The following ZEB1 variants were observed in gnomAD, a reference collection of about 807,000 sequenced individuals.
ZEB1 encodes zinc finger E-box-binding homeobox 1.
A neutral mutation model predicts 84.9 loss-of-function variants in ZEB1; 21 were observed. The ratio of observed to expected loss-of-function variants is 0.25; its 90% CI spans 0.18 to 0.36. ZEB1 has a LOEUF of 0.36. ZEB1 is among the 10% of genes least tolerant of loss of function. The probability of loss-of-function intolerance (pLI) is 1.00; values close to 1 mark genes in which losing one functional copy is unlikely to be tolerated. For synonymous variants in ZEB1, 420 were observed against 471.1 expected, an observed-to-expected ratio of 0.89 and a Z score of 1.41; for missense variants, 1,104 against 1,330.2, an observed-to-expected ratio of 0.83 and a Z score of 2.65.
chr10:31,513,831 T>C (rs1300191352), intron 5 of ZEB1, among the ~76,000 whole-genome samples: 3 of 152,084 alleles, frequency 2.0e-5, no homozygotes, highest in African/African-American at 7.2e-5. Context: ...TGGTGAAGAA[T>C]CATCTTGGAA....
chr10:31,355,760 G>T (rs183548837), intron 1 of ZEB1, among the ~76,000 whole-genome samples: 1 of 152,274 alleles, frequency 6.6e-6, no homozygotes, highest in East Asian at 1.9e-4. Context: ...GCGTTGAAAA[G>T]AAGGATAAGT....
intron 1 of ZEB1, among the ~76,000 whole-genome samples, chr10:31,446,305 C>G (rs1011061298): frequency 6.6e-6 from 1 of 151,452 alleles, no homozygotes; most frequent in Non-Finnish European, 1.5e-5. Flanking sequence ...ATTCTTCTCT[C>G]TTTTTTTATT....
At chr10:31,321,114 AC>A in intron 1 of ZEB1, 1 of 1,018,706 alleles carries the variant, frequency 9.8e-7, no homozygotes. Flanking sequence ...CCCCAGCCCC[AC>A]CCCCCGCGCC....
intron 1 of ZEB1, among the ~76,000 whole-genome samples, chr10:31,388,676 G>A (rs2049076726): frequency 6.6e-6 from 1 of 151,976 alleles, no homozygotes; most frequent in South Asian, 2.1e-4. Context: ...GGTTTTATTA[G>A]AAAAGAAATA....
intron 1 of ZEB1, among the ~76,000 whole-genome samples, chr10:31,429,400 T>C (rs1356483293): frequency 1.3e-5 from 2 of 152,148 alleles, no homozygotes; most frequent in East Asian, 3.9e-4. Flanking sequence ...TCTTCTGGCT[T>C]GTAGGGTTTC....
At chr10:31,508,554 A>G (rs1003760927) in intron 4 of ZEB1, among the ~76,000 whole-genome samples, 11 of 152,036 alleles carry the variant, frequency 7.2e-5, no homozygotes, top group African/African-American at 2.7e-4. Context: ...TCAGGTGACA[A>G]CAGTGTTGGA....
intron 1 of ZEB1, among the ~76,000 whole-genome samples, chr10:31,447,660 T>G (rs971835108): frequency 6.7e-6 from 1 of 149,006 alleles, no homozygotes; most frequent in African/African-American, 2.5e-5. Context: ...ATTTTATTTC[T>G]CCTTCACTTA....
intron 2 of ZEB1, among the ~76,000 whole-genome samples, chr10:31,467,784 A>G (rs1286984697): frequency 6.6e-6 from 1 of 151,856 alleles, no homozygotes; most frequent in African/African-American, 2.4e-5. Flanking sequence ...TTCAGGTGGT[A>G]CAGAAGCTGG....
chr10:31,476,921 A>G (rs1381388514), intron 2 of ZEB1, among the ~76,000 whole-genome samples: 2 of 152,024 alleles, frequency 1.3e-5, no homozygotes, highest in African/African-American at 4.8e-5. Context: ...AAAAATAGTA[A>G]GAATCATATA....
At chr10:31,374,409 T>C (rs1397123244) in intron 1 of ZEB1, among the ~76,000 whole-genome samples, 2 of 151,890 alleles carry the variant, frequency 1.3e-5, no homozygotes, top group Non-Finnish European at 3.0e-5. Flanking sequence ...ATTCATACTT[T>C]AGTCCCTCTG....
At chr10:31,507,693 T>C (rs530408525) in intron 4 of ZEB1, among the ~76,000 whole-genome samples, 27 of 152,204 alleles carry the variant, frequency 1.8e-4, no homozygotes, top group Admixed American at 3.3e-4. Flanking sequence ...TTTATGATAC[T>C]TACCTCTTTG....
chr10:31,409,619 G>A (rs1028231145), intron 1 of ZEB1, among the ~76,000 whole-genome samples: 11 of 152,106 alleles, frequency 7.2e-5, no homozygotes, highest in East Asian at 3.9e-4. Context: ...CCATTTTCAC[G>A]ATACTGATTC....
chr10:31,511,755 A>C (rs372255639), intron 5 of ZEB1, among the ~76,000 whole-genome samples: 1 of 152,184 alleles, frequency 6.6e-6, no homozygotes, highest in East Asian at 1.9e-4. Flanking sequence ...TGTACCTAAT[A>C]TGTGTCACAT....
At chr10:31,512,385 G>A (rs1367946143) in intron 5 of ZEB1, among the ~76,000 whole-genome samples, 1 of 152,154 alleles carries the variant, frequency 6.6e-6, no homozygotes, top group Non-Finnish European at 1.5e-5. Context: ...AATGTAGTAG[G>A]ATTTACATAT....
intron 3 of ZEB1, among the ~76,000 whole-genome samples, chr10:31,501,226 A>C (rs1035717003): frequency 6.6e-6 from 1 of 152,224 alleles, no homozygotes; most frequent in Non-Finnish European, 1.5e-5. Flanking sequence ...AGCCATACTA[A>C]GGCATTGCAG....
chr10:31,457,064 A>T (rs59037879), intron 1 of ZEB1, among the ~76,000 whole-genome samples: 8,026 of 152,190 alleles, frequency 0.053, 606 homozygotes, highest in East Asian at 0.18. Context: ...GATTTTTAAA[A>T]CTGTTTACCA....
At chr10:31,463,696 C>T (rs956009692) in intron 2 of ZEB1, among the ~76,000 whole-genome samples, 5 of 152,180 alleles carry the variant, frequency 3.3e-5, no homozygotes, top group African/African-American at 9.7e-5. Context: ...CAAGCTGTCT[C>T]GCACTGATTT....
intron 1 of ZEB1, among the ~76,000 whole-genome samples, chr10:31,431,279 T>C (rs2057676156): frequency 6.6e-6 from 1 of 152,224 alleles, no homozygotes; most frequent in Non-Finnish European, 1.5e-5. Context: ...CCTATAAATG[T>C]GGCCTTGCCT....
chr10:31,322,693 A>T (rs1031883218), intron 1 of ZEB1, among the ~76,000 whole-genome samples: 14 of 152,036 alleles, frequency 9.2e-5, no homozygotes, highest in Admixed American at 2.6e-4. Flanking sequence ...GTTGCATTTT[A>T]AAAAATCTGT....
Sources: allele counts gnomAD v4.1 joint callset (sites outside exome capture counted in the v4.1 genomes callset), GRCh38; gene constraint gnomAD v4.1.1; transcripts MANE v1.5; gene names NCBI Gene and HGNC (gene_info 2026-07-23, HGNC 2026-07-21).